The following SNX1 variants were observed in gnomAD, a reference collection of about 807,000 sequenced individuals.
SNX1 encodes the protein sorting nexin-1.
In SNX1, 36 loss-of-function variants were observed where a neutral mutation model predicts 71.8. The ratio of observed to expected loss-of-function variants is 0.50; its 90% CI spans 0.38 to 0.66. SNX1 has a LOEUF of 0.66. Ranked by LOEUF, SNX1 falls within the 30% of genes least tolerant of loss-of-function variation. SNX1 has a pLI of 0.00. For synonymous variants in SNX1, 254 were observed against 240.7 expected (o/e 1.06, Z -0.51); for missense variants, 612 against 646.7 (o/e 0.95, Z 0.58).
intron 10 of SNX1, 99 bp downstream of exon 10, chr15:64,130,420 A>T (rs1190932299): frequency 1.0e-6 from 1 of 1,000,468 alleles, no homozygotes; most frequent in Non-Finnish European, 1.6e-6. Context: ...CAGCCATCCA[A>T]GTTGAAATTC....
intron 11 of SNX1, among the ~76,000 whole-genome samples, chr15:64,132,693 T>G (rs2081319272): frequency 6.6e-6 from 1 of 152,196 alleles, no homozygotes; most frequent in African/African-American, 2.4e-5. Context: ...GCCTCAGAGT[T>G]AGAACAGTGC....
intron 10 of SNX1, among the ~76,000 whole-genome samples, chr15:64,130,563 C>T (rs1185307355): frequency 6.6e-6 from 1 of 152,184 alleles, no homozygotes; most frequent in Non-Finnish European, 1.5e-5. Flanking sequence ...ATCCCAGATA[C>T]AGCATGACCT....
Position 64,138,450 on chromosome 15 carries a change from T to G in SNX1, c.*832T>G, listed in dbSNP as rs1473046191. ...TCTGATGGCAAGTCTTATATATAAC[T>G]AAACCTATTTTTGTCACCCATCAAA... On this transcript the variant is annotated 3_prime_UTR_variant, in exon 15 of 15. Coordinates refer to ENST00000559844, the MANE Select transcript of SNX1 (RefSeq NM_003099.5). 1 of 404,828 alleles carries G rather than the reference T, an allele frequency of 2.5e-6. No individual in the cohort carries two copies. Among genetic ancestry groups the G allele is most frequent in the Non-Finnish European group, 4.4e-6 (1 of 229,400 alleles). 25.1% of individuals were successfully genotyped at this position (404,828 alleles called of 1,614,324 possible). A position where few individuals can be genotyped will look rare whatever the true frequency, so the allele number is the denominator to read the frequency against.
At chr15:64,126,355 C>T (rs1443585534) in intron 6 of SNX1, 135 bp downstream of exon 6, 3 of 1,007,520 alleles carry the variant, frequency 3.0e-6, no homozygotes, top group Non-Finnish European at 4.2e-6. Context: ...CAGTGTTTTC[C>T]TACACTGGAG....
Position 64,134,648 on chromosome 15 carries a change from A to G in SNX1, c.1222-16A>G. ...TGAAGAGCTGGTTGTGCTCCTCCTC[A>G]ACCCCACCCCCACAGGCTGCCTTCG... is the stretch of plus-strand genomic sequence containing the variant. On this transcript the variant is annotated splice_polypyrimidine_tract_variant and intron_variant, in intron 11 of 14. Transcript: ENST00000559844. This position sits in a 1 kb window ranked among gnomAD's most constrained non-coding sequence, Gnocchi z 4.1. The G allele has an allele frequency of 1.2e-6, 2 of 1,604,678 alleles. No individual in the cohort carries two copies.
chr15:64,117,410 C>A (rs2081141177), intron 2 of SNX1, among the ~76,000 whole-genome samples: 1 of 152,092 alleles, frequency 6.6e-6, no homozygotes, highest in East Asian at 1.9e-4. Flanking sequence ...CAGGCCACCA[C>A]ACCTGGCTAC....
chr15:64,135,757 CAAAAAAA>C (rs573541153), intron 12 of SNX1, among the ~76,000 whole-genome samples: 3 of 108,634 alleles, frequency 2.8e-5, no homozygotes, highest in Non-Finnish European at 5.2e-5. Context: ...GACTCTGTCT[CAAAAAAA>C]AAAAAAAAAA....
chr15:64,105,296 C>A (rs541200245), intron 1 of SNX1, among the ~76,000 whole-genome samples: 1 of 152,048 alleles, frequency 6.6e-6, no homozygotes, highest in African/African-American at 2.4e-5. Flanking sequence ...GTAAGGGTTG[C>A]CAACCCATTG....
chr15:64,141,486 T>TG lies in SNX1; in HGVS notation c.*3872dup, dbSNP rs1261241154. 1 of 152,384 alleles carries TG rather than the reference T, an allele frequency of 6.6e-6. No homozygotes were observed. Among genetic ancestry groups the TG allele is most frequent in the African/African-American group, 2.4e-5 (1 of 41,462 alleles). The allele number at this position is 152,384 out of a possible 1,614,324, so 9.4% of individuals were successfully genotyped here. ...CAAAGGAAGAAGGTGGTATTCCAGC[T>TG]GGGGACCCAGGAGGGAGGACTTTGT... On this transcript the variant is annotated 3_prime_UTR_variant, in exon 15 of 15. Coordinates refer to ENST00000559844, the MANE Select transcript of SNX1 (RefSeq NM_003099.5). The surrounding 1 kb of genome is among the most constrained non-coding windows in gnomAD (Gnocchi z 5.1).
intron 11 of SNX1, among the ~76,000 whole-genome samples, chr15:64,133,867 G>A (rs1274908892): frequency 2.0e-5 from 3 of 152,328 alleles, no homozygotes; most frequent in East Asian, 1.9e-4. Flanking sequence ...CCGGGTGGGC[G>A]TGGTTAGTCA....
Position 64,115,055 on chromosome 15 carries a change from T to G in SNX1, c.271+2371T>G, listed in dbSNP as rs190599662. 1.1e-3 allele frequency among the ~76,000 whole-genome samples: 166 copies of G among 152,336 alleles called. 1 individual carries two copies. Among genetic ancestry groups the G allele is most frequent in the Admixed American group, 3.5e-3 (54 of 15,302 alleles). On this transcript the variant is annotated intron_variant, in intron 2 of 14. Coordinates refer to ENST00000559844, the MANE Select transcript of SNX1 (RefSeq NM_003099.5). ...AATTGTCTTTGGTTATATGGCAGAT[T>G]GAAAAGAAAGTGAATTTTCTATCTT...
chr15:64,099,210 A>G (rs1470914459), intron 1 of SNX1, among the ~76,000 whole-genome samples: 3 of 152,200 alleles, frequency 2.0e-5, no homozygotes, highest in Non-Finnish European at 4.4e-5. Flanking sequence ...ATCCCTGAAC[A>G]TGGTACTTAA....
At position 64,138,260 on chromosome 15, in the gene SNX1, A is replaced by G; in HGVS notation, c.*642A>G. On this transcript the variant is annotated 3_prime_UTR_variant, in exon 15 of 15. Coordinates refer to ENST00000559844, the MANE Select transcript of SNX1 (RefSeq NM_003099.5). ...AAGGAGTTTTAAAAACATCTCTTAA[A>G]ATAAGAGGAGCAAAATCTATTAAAA... is the stretch of plus-strand genomic sequence containing the variant. 7.0e-7 allele frequency: 1 copy of G among 1,420,786 alleles called. No individual in the cohort carries two copies. The highest frequency in any genetic ancestry group is 9.2e-7 in the Non-Finnish European group (1 of 1,083,288). The allele number at this position is 1,420,786 out of a possible 1,614,324, so 88.0% of individuals were successfully genotyped here.
At chr15:64,133,550 C>T (rs1354187660) in intron 11 of SNX1, among the ~76,000 whole-genome samples, 7 of 152,048 alleles carry the variant, frequency 4.6e-5, no homozygotes, top group African/African-American at 1.7e-4. Context: ...GCCAGTGTGG[C>T]GAAACCCCAT....
intron 4 of SNX1, among the ~76,000 whole-genome samples, chr15:64,119,502 G>T (rs1231889415): frequency 6.6e-6 from 1 of 152,130 alleles, no homozygotes; most frequent in Non-Finnish European, 1.5e-5. Context: ...GGCCAAGGCA[G>T]GCAGATCACT....
At chr15:64,113,473 G>A (rs949568662) in intron 2 of SNX1, among the ~76,000 whole-genome samples, 2 of 152,042 alleles carry the variant, frequency 1.3e-5, no homozygotes, top group African/African-American at 4.8e-5. Flanking sequence ...CTCACAACAA[G>A]GAATTGTTTA....
rs968475082 is a variant in SNX1 at position 64,137,791 on chromosome 15, C to T, written c.*173C>T. ...CTCTAACCGTTATTTCATTTAGCTT[C>T]CATATATATTTTCTTACCTAAGAGA... On this transcript the variant is annotated 3_prime_UTR_variant, in exon 15 of 15. Transcript: ENST00000559844. 2 of 1,434,500 alleles carry T rather than the reference C, an allele frequency of 1.4e-6. No homozygotes were observed. Among genetic ancestry groups the T allele is most frequent in the African/African-American group, 2.9e-5 (2 of 69,642 alleles). 88.9% of individuals were successfully genotyped at this position (1,434,500 alleles called of 1,614,324 possible).
chr15:64,112,727 G>A (rs2140140253), intron 2 of SNX1, 43 bp downstream of exon 2: 1 of 1,286,750 alleles, frequency 7.8e-7, no homozygotes, highest in Non-Finnish European at 1.1e-6. Context: ...CTCCTAAATG[G>A]CTTTGTTAAG....
At position 64,142,148 on chromosome 15, in the gene SNX1, G is replaced by A. The variant is rs2081420212; in HGVS notation, c.*4530G>A. 6.5e-6 allele frequency: 1 copy of A among 153,658 alleles called. No homozygotes were observed. Among genetic ancestry groups the A allele is most frequent in the Non-Finnish European group, 1.4e-5 (1 of 69,194 alleles). 9.5% of individuals were successfully genotyped at this position (153,658 alleles called of 1,614,324 possible). A position where few individuals can be genotyped will look rare whatever the true frequency, so the allele number is the denominator to read the frequency against. On this transcript the variant is annotated 3_prime_UTR_variant, in exon 15 of 15. Transcript: ENST00000559844. ...GAGCCCAAGAATTTGAGACCAGCCT[G>A]GGGAATATAGTGAGACCCTGTCCCT...
Sources: gnomAD v4.1 joint callset for allele counts (sites outside exome capture counted in the v4.1 genomes callset) on GRCh38, gnomAD v4.1.1 for gene constraint, Gnocchi (gnomAD v3.1) non-coding constraint, MANE v1.5 for transcripts, NCBI Gene and HGNC (gene_info 2026-07-23, HGNC 2026-07-21) for gene names.